The following DACH1 variants were observed in gnomAD, a reference collection of about 807,000 sequenced individuals.
DACH1 encodes dachshund family transcription factor 1.
A neutral mutation model predicts 54.2 loss-of-function variants in DACH1; 12 were observed. The observed-to-expected ratio is 0.22, with a 90% CI of 0.14 to 0.36. The LOEUF (loss-of-function observed/expected upper bound fraction) is 0.36. DACH1 is among the 10% of genes least tolerant of loss of function. The pLI is 1.00. For synonymous variants in DACH1, 386 were observed against 366.2 expected (o/e 1.05, Z -0.62); for missense variants, 805 against 929.8 (o/e 0.87, Z 1.75).
At chr13:71,547,935 C>G (rs1883563725) in intron 6 of DACH1, among the ~76,000 whole-genome samples, 1 of 152,134 alleles carries the variant, frequency 6.6e-6, no homozygotes, top group Non-Finnish European at 1.5e-5. Flanking sequence ...GGGTGTTACT[C>G]TGCTTCTTAA....
intron 1 of DACH1, among the ~76,000 whole-genome samples, chr13:71,852,742 A>C (rs1411269320): frequency 6.6e-6 from 1 of 152,230 alleles, no homozygotes; most frequent in Non-Finnish European, 1.5e-5. Flanking sequence ...TATGAGCCAC[A>C]AAATAGCCAA....
At chr13:71,489,239 C>T in intron 6 of DACH1, 91 bp from the exon 7 acceptor site, 2 of 1,384,958 alleles carry the variant, frequency 1.4e-6, no homozygotes, top group African/African-American at 1.5e-5. Context: ...GTTTCCAGAA[C>T]ATTTATTGCA....
chr13:71,687,572 C>T (rs1404543161), intron 1 of DACH1, among the ~76,000 whole-genome samples: 1 of 152,104 alleles, frequency 6.6e-6, no homozygotes, highest in Non-Finnish European at 1.5e-5. Flanking sequence ...ATTTTCGTTT[C>T]TCTGTCATAA....
chr13:71,521,379 G>A (rs1593829297), intron 6 of DACH1, among the ~76,000 whole-genome samples: 2 of 152,044 alleles, frequency 1.3e-5, no homozygotes, highest in African/African-American at 4.8e-5. Context: ...TATGAATATG[G>A]ATATGGATGT....
rs1002478555 is a variant in DACH1, at chr13:71,617,595, C to G, written c.1126+12961G>C. ...GAAATATCACATTATTGCCCTGAAT[C>G]ACACCTGTGAAAAAGCAAATAGGCT... is the stretch of plus-strand genomic sequence containing the variant. On this transcript the variant is annotated intron_variant, in intron 3 of 10. Transcript: ENST00000613252. 5.3e-5 allele frequency among the ~76,000 whole-genome samples: 8 copies of G among 152,274 alleles called. 1 individual carries two copies. In the South Asian group the frequency reaches 1.7e-3, roughly 32 times the overall value.
At chr13:71,536,861 T>C (rs1336020235) in intron 6 of DACH1, among the ~76,000 whole-genome samples, 1 of 152,088 alleles carries the variant, frequency 6.6e-6, no homozygotes, top group Non-Finnish European at 1.5e-5. Flanking sequence ...CTCTCCACTT[T>C]AATTGCCAAC....
intron 3 of DACH1, chr13:71,573,631 C>T (rs1435389013): frequency 1.6e-5 from 7 of 441,264 alleles, no homozygotes; most frequent in Admixed American, 4.1e-5. Flanking sequence ...CTTCCAATGA[C>T]TAACTTAAAA....
intron 1 of DACH1, among the ~76,000 whole-genome samples, chr13:71,694,341 G>A (rs1002858343): frequency 4.0e-5 from 6 of 151,858 alleles, no homozygotes; most frequent in African/African-American, 1.5e-4. Flanking sequence ...ACTTTTTGAT[G>A]CCCCCGTGAG....
At chr13:71,852,018 T>G (rs919842490) in intron 1 of DACH1, among the ~76,000 whole-genome samples, 7 of 152,226 alleles carry the variant, frequency 4.6e-5, no homozygotes, top group African/African-American at 1.4e-4. Flanking sequence ...CCAATGAGTA[T>G]GTTTCATCAG....
intron 1 of DACH1, among the ~76,000 whole-genome samples, chr13:71,799,384 T>C (rs186903108): frequency 6.6e-6 from 1 of 152,268 alleles, no homozygotes. Context: ...ACGTTTTACA[T>C]ATTCCCTATG....
At chr13:71,720,706 C>T (rs1566457000) in intron 1 of DACH1, among the ~76,000 whole-genome samples, 1 of 152,056 alleles carries the variant, frequency 6.6e-6, no homozygotes, top group Non-Finnish European at 1.5e-5. Context: ...CCTTCTTTGT[C>T]AATGCTTTGC....
At chr13:71,778,251 T>C (rs1316821077) in intron 1 of DACH1, among the ~76,000 whole-genome samples, 1 of 152,130 alleles carries the variant, frequency 6.6e-6, no homozygotes, top group Admixed American at 6.6e-5. Flanking sequence ...CAGTCGGTGA[T>C]ATTCAGAATC....
intron 1 of DACH1, among the ~76,000 whole-genome samples, chr13:71,772,347 A>G (rs1885892622): frequency 6.6e-6 from 1 of 151,736 alleles, no homozygotes; most frequent in Non-Finnish European, 1.5e-5. Flanking sequence ...TTAAAAGTTT[A>G]ACCTCTGTAG....
At chr13:71,779,188 CGTATATACGTAT>C (rs1310820860) in intron 1 of DACH1, among the ~76,000 whole-genome samples, 28 of 124,192 alleles carry the variant, frequency 2.3e-4, no homozygotes, top group Non-Finnish European at 4.0e-4. Context: ...CACATATATA[CGTATATACGTAT>C]ATATGTGTAT....
chr13:71,528,489 G>A (rs1323623236), intron 6 of DACH1, among the ~76,000 whole-genome samples: 1 of 145,330 alleles, frequency 6.9e-6, no homozygotes, highest in African/African-American at 2.5e-5. Flanking sequence ...GTGCAGTGGC[G>A]TGATTTCGGC....
intron 1 of DACH1, among the ~76,000 whole-genome samples, chr13:71,758,138 A>C (rs767974293): frequency 2.0e-5 from 3 of 152,192 alleles, no homozygotes; most frequent in Middle Eastern, 3.4e-3. Flanking sequence ...CTCCATGGCC[A>C]TTGCTCAAAG....
intron 1 of DACH1, among the ~76,000 whole-genome samples, chr13:71,838,272 A>T (rs1888875862): frequency 6.6e-6 from 1 of 152,142 alleles, no homozygotes; most frequent in East Asian, 1.9e-4. Flanking sequence ...TAATATATAG[A>T]TGCTGCACAA....
intron 6 of DACH1, among the ~76,000 whole-genome samples, chr13:71,526,704 G>GTA (rs1881984400): frequency 6.8e-6 from 1 of 146,822 alleles, no homozygotes; most frequent in Non-Finnish European, 1.5e-5. Flanking sequence ...ATATGTGTGT[G>GTA]TGTATATATA....
chr13:71,773,975 TAAAA>T (rs560299450), intron 1 of DACH1, among the ~76,000 whole-genome samples: 4 of 142,408 alleles, frequency 2.8e-5, no homozygotes, highest in Non-Finnish European at 1.5e-5. Context: ...ATTGCCTGTT[TAAAA>T]AAAAAAAAAA....
Sources: gnomAD v4.1 joint callset for allele counts (sites outside exome capture counted in the v4.1 genomes callset) on GRCh38, gnomAD v4.1.1 for gene constraint, MANE v1.5 for transcripts, NCBI Gene and HGNC (gene_info 2026-07-23, HGNC 2026-07-21) for gene names.